UBN1: variants seen among roughly 807,000 people sequenced by gnomAD.
UBN1 encodes the protein ubinuclein-1.
UBN1 carries 17 observed loss-of-function variants against 108.5 expected under a neutral mutation model. The ratio of observed to expected loss-of-function variants is 0.16; its 90% CI spans 0.11 to 0.24. The LOEUF is 0.24. Among genes scored for constraint, UBN1 ranks in the 10% least tolerant of loss-of-function variants. UBN1 has a pLI of 1.00. For synonymous variants in UBN1, 726 were observed against 564.2 expected (o/e 1.29, Z -4.07); for missense variants, 1,595 against 1,394.4 (o/e 1.14, Z -2.29).
intron 2 of UBN1, among the ~76,000 whole-genome samples, chr16:4,857,736 T>A (rs1367775812): frequency 2.0e-5 from 3 of 152,194 alleles, no homozygotes; most frequent in Admixed American, 6.5e-5. Flanking sequence ...CCCTTTGCTG[T>A]CTTTGAGTCC....
At chr16:4,873,151 G>A (rs2087724831) in intron 14 of UBN1, 78 bp downstream of exon 14, 2 of 1,588,618 alleles carry the variant, frequency 1.3e-6, no homozygotes, top group Non-Finnish European at 1.7e-6. Flanking sequence ...TCAAGTGACT[G>A]TGGAAGCTCA....
chr16:4,870,173 G>C (rs374166330), intron 8 of UBN1, 39 bp from the exon 9 acceptor site: 13 of 1,612,768 alleles, frequency 8.1e-6, no homozygotes, highest in Non-Finnish European at 1.1e-5. Context: ...AGGAGTTGCA[G>C]TGAGCTGCAG....
At position 4,874,244 on chromosome 16, in the gene UBN1, G is replaced by C. The variant is rs751802067; in HGVS notation, c.1834G>C (p.Val612Leu). 2 of 1,570,700 alleles carry C rather than the reference G, an allele frequency of 1.3e-6. No individual in the cohort carries two copies. The highest frequency in any genetic ancestry group is 1.7e-6 in the Non-Finnish European group (2 of 1,159,394). The stretch of plus-strand genomic sequence containing the variant: ...TACGAAGCCTGATAAAAAGGTTTCT[G>C]TCCCATCAGGACAGATTGGTGGCCC... ...SSTKPDKKVSVPSGQIGGPIA... is the reference protein window; with the variant it reads ...SSTKPDKKVSLPSGQIGGPIA... Residue 612 changes from valine (V) to leucine (L), a missense_variant, in exon 15 of 18, where the codon GTC (valine) becomes CTC (leucine). Val to Leu is a conservative substitution (Grantham distance 32). Coordinates refer to ENST00000262376, the MANE Select transcript of UBN1 (RefSeq NM_001079514.3).
In UBN1 at chr16:4,847,874, C is replaced by T. The variant is rs9928036; in HGVS notation, c.-376C>T. The T allele has an allele frequency of 0.11, 16,349 of 152,616 alleles. 1,023 individuals carry two copies. The highest frequency in any genetic ancestry group is 0.18 in the Admixed American group (2,775 of 15,302). 9.5% of individuals were successfully genotyped at this position (152,616 alleles called of 1,614,324 possible). ...GCCCGTGTTCTTTGGAGCGCTCCTC[C>T]CGACGGCCGCTTTCGGAGGCGCCGT... On this transcript the variant is annotated 5_prime_UTR_variant, in exon 1 of 18. Coordinates refer to ENST00000262376, the MANE Select transcript of UBN1 (RefSeq NM_001079514.3).
At chr16:4,872,330 T>C (rs1369222470) in intron 12 of UBN1, 1 of 985,280 alleles carries the variant, frequency 1.0e-6, no homozygotes, top group African/African-American at 1.7e-5. Flanking sequence ...CATGAGAGGT[T>C]TGAGGCAGAG....
chr16:4,872,764 T>C (rs2087708876), intron 12 of UBN1, 120 bp from the exon 13 acceptor site: 4 of 1,203,646 alleles, frequency 3.3e-6, no homozygotes, highest in Non-Finnish European at 4.8e-6. Context: ...CCACTGCGCC[T>C]GGCCAGTTGA....
At position 4,875,216 on chromosome 16, in the gene UBN1, G is replaced by A. The variant is rs2087823092; in HGVS notation, c.2806G>A (p.Gly936Ser). 6.2e-7 allele frequency: 1 copy of A among 1,614,260 alleles called. No individual in the cohort carries two copies. The highest frequency in any genetic ancestry group is 1.3e-5 in the African/African-American group (1 of 75,068). ...TTCTGTTTCTGGGAGCCTGGTCCCT[G>A]GCATACAGCCTCCCTCCGTGGGACA... ...QSSVSGSLVP[G>S]IQPPSVGQAT... The change falls in exon 15 of 18, where the codon GGC becomes AGC. Residue 936 changes from glycine to serine, a missense_variant. This residue lies in a region of UBN1 where 1,398 missense variants were observed against 1,194.7 expected (regional missense o/e 1.17). Coordinates refer to ENST00000262376, the MANE Select transcript of UBN1 (RefSeq NM_001079514.3).
At chr16:4,859,258 C>G (rs1053574637) in intron 5 of UBN1, 99 bp downstream of exon 5, 38 of 1,504,822 alleles carry the variant, frequency 2.5e-5, no homozygotes, top group Non-Finnish European at 3.3e-5. Context: ...TTGGCCGGCT[C>G]AGGAGGATGG....
At chr16:4,867,739 G>C (rs1214665536) in intron 7 of UBN1, among the ~76,000 whole-genome samples, 1 of 152,160 alleles carries the variant, frequency 6.6e-6, no homozygotes, top group Non-Finnish European at 1.5e-5. Flanking sequence ...AGGGGCCCCA[G>C]AGGATGCAGT....
chr16:4,858,749 G>A, intron 4 of UBN1, 86 bp downstream of exon 4: 1 of 1,323,230 alleles, frequency 7.6e-7, no homozygotes, highest in South Asian at 1.2e-5. Context: ...GGTGGGGTCA[G>A]AGCAGTCGTG....
At chr16:4,870,029 G>C (rs1185207029) in intron 8 of UBN1, among the ~76,000 whole-genome samples, 183 bp from the exon 9 acceptor site, 2 of 152,202 alleles carry the variant, frequency 1.3e-5, no homozygotes, top group Non-Finnish European at 2.9e-5. Flanking sequence ...TCAGGCTTGG[G>C]AGTTGTTGTT....
In UBN1 at chr16:4,874,815, C is replaced by T. The variant is rs1398491639; in HGVS notation, c.2405C>T (p.Pro802Leu). The T allele has an allele frequency of 3.7e-6, 6 of 1,613,992 alleles. No individual in the cohort carries two copies. The highest frequency in any genetic ancestry group is 5.1e-6 in the Non-Finnish European group (6 of 1,180,046). ...CAAGTGGCAGTTCCTGTGCCTGGCCCCCAGGTCAAAGTCTTTCATGCCGGC... is the reference window on the plus strand; with the variant it reads ...CAAGTGGCAGTTCCTGTGCCTGGCCTCCAGGTCAAAGTCTTTCATGCCGGC... ...GPQVAVPVPG[P>L]QVKVFHAGTQ... The change falls in exon 15 of 18, where the codon CCC (proline) becomes CTC (leucine). Residue 802 changes from proline (P) to leucine (L), a missense_variant. By Grantham distance (98) the Pro-to-Leu change is moderately conservative. This residue lies in a region of UBN1 where 1,398 missense variants were observed against 1,194.7 expected (regional missense o/e 1.17). Transcript: ENST00000262376.
chr16:4,877,205 C>A lies in UBN1; in HGVS notation c.3265+94C>A. 1 of 1,523,592 alleles carries A rather than the reference C, an allele frequency of 6.6e-7. No homozygotes were observed. Among genetic ancestry groups the A allele is most frequent in the South Asian group, 1.3e-5 (1 of 77,518 alleles). 94.4% of individuals were successfully genotyped at this position (1,523,592 alleles called of 1,614,324 possible). ...TGTACTCTGGTTCCTGTGTTTGAGT[C>A]TGGTGTGTGACTGTGGGGAACATCT... On this transcript the variant is annotated intron_variant, in intron 16 of 17. Transcript: ENST00000262376. The surrounding 1 kb of genome is among the most constrained non-coding windows in gnomAD (Gnocchi z 4.3).
intron 2 of UBN1, among the ~76,000 whole-genome samples, chr16:4,855,061 C>T (rs1038427967): frequency 2.0e-5 from 3 of 152,152 alleles, no homozygotes; most frequent in African/African-American, 7.2e-5. Context: ...TGCCTTTGCA[C>T]TGTGCTAGGC....
chr16:4,853,551 T>G (rs1182554679), intron 2 of UBN1, among the ~76,000 whole-genome samples: 2 of 151,994 alleles, frequency 1.3e-5, no homozygotes, highest in African/African-American at 4.8e-5. Context: ...CTGCCTTTTT[T>G]TTTTTCTTTC....
rs754640059 is a variant in UBN1, at chr16:4,859,111, A to T, written c.519A>T (p.Ser173=). The change falls in exon 5 of 18, where the codon TCA becomes TCT. Residue 173 remains serine, a synonymous_variant. Coordinates refer to ENST00000262376, the MANE Select transcript of UBN1 (RefSeq NM_001079514.3). The part of the protein sequence containing the change: ...NSGTLQFRQA[S]ESEDDFIKEK... ...GAACCCTGCAGTTTAGACAAGCATC[A>T]GAGTCTGAAGATGACTTCATTAAAG... 6.2e-7 allele frequency: 1 copy of T among 1,614,234 alleles called. No individual in the cohort carries two copies. The highest frequency in any genetic ancestry group is 1.3e-5 in the African/African-American group (1 of 75,072).
Position 4,861,049 on chromosome 16 carries a change from C to G in UBN1, c.1057C>G (p.Leu353Val), listed in dbSNP as rs1183315055. The change falls in exon 7 of 18, where the codon CTC becomes GTC. Residue 353 changes from leucine to valine, a missense_variant. By Grantham distance (32) the Leu-to-Val change is conservative. Around this residue, in one of 3 missense-constraint regions of UBN1, gnomAD observed 1,398 missense variants for 1,194.7 expected, o/e 1.17. Coordinates refer to ENST00000262376, the MANE Select transcript of UBN1 (RefSeq NM_001079514.3). The stretch of plus-strand genomic sequence containing the variant: ...CCAGGAATTCAGGCAGCCCTCTTCT[C>G]TCCCCGAAGGCCTGCCAGCACCCCT... ...LDQEFRQPSS[L>V]PEGLPAPLEK... 1.2e-6 allele frequency: 2 copies of G among 1,613,946 alleles called. No homozygotes were observed. Among genetic ancestry groups the G allele is most frequent in the Non-Finnish European group, 8.5e-7 (1 of 1,180,046 alleles).
rs1876359 is a variant in UBN1 at position 4,880,099 on chromosome 16, C to T, written c.3372C>T (p.His1124=). 583,812 of 1,612,828 alleles carry T rather than the reference C, an allele frequency of 0.36. 107,550 individuals carry two copies. The highest frequency in any genetic ancestry group is 0.49 in the South Asian group (44,451 of 90,988). The change falls in exon 18 of 18, where the codon CAC becomes CAT. Residue 1124 remains histidine (H), a synonymous_variant. Transcript: ENST00000262376. ...PQSLPGASQL[H]GKGPAVPRKL The stretch of plus-strand genomic sequence containing the variant: ...CTTTTCCAGGTGCTTCTCAGCTTCA[C>T]GGGAAAGGGCCTGCTGTACCACGGA...
chr16:4,855,505 A>G (rs977752388), intron 2 of UBN1, among the ~76,000 whole-genome samples: 3 of 150,972 alleles, frequency 2.0e-5, no homozygotes, highest in Admixed American at 1.3e-4. Flanking sequence ...AGTTCCAGCT[A>G]CTCAGAAAGC....
Sources: allele counts gnomAD v4.1 joint callset (sites outside exome capture counted in the v4.1 genomes callset), GRCh38; gene constraint gnomAD v4.1.1; regional missense constraint gnomAD v4.1.1; non-coding constraint Gnocchi (gnomAD v3.1); transcripts MANE v1.5; gene names NCBI Gene and HGNC (gene_info 2026-07-23, HGNC 2026-07-21).